Variants in PRKAR2A observed in about 807,000 individuals in gnomAD.
The protein encoded by PRKAR2A is cAMP-dependent protein kinase type II-alpha regulatory subunit.
Under a neutral mutation model 51.9 loss-of-function variants are expected in PRKAR2A, and 29 were observed. The observed-to-expected ratio is 0.56, with a 90% CI of 0.42 to 0.76. PRKAR2A has a LOEUF of 0.76. PRKAR2A is among the 30% of genes least tolerant of loss of function. The pLI, the probability that PRKAR2A is intolerant of heterozygous loss-of-function variation, is 0.00. For missense variants in PRKAR2A, 445 were observed against 512.1 expected, an observed-to-expected ratio of 0.87 and a Z score of 1.26; for synonymous variants, 178 against 186.2, an observed-to-expected ratio of 0.96 and a Z score of 0.36.
chr3:48,839,510 T>G (rs1559653441), intron 1 of PRKAR2A, among the ~76,000 whole-genome samples: 2 of 152,060 alleles, frequency 1.3e-5, no homozygotes, highest in African/African-American at 4.8e-5. Context: ...GCAGCTACAG[T>G]AATTTATTAA....
intron 2 of PRKAR2A, among the ~76,000 whole-genome samples, chr3:48,795,865 T>C (rs147964526): frequency 5.1e-4 from 77 of 152,250 alleles, no homozygotes; most frequent in Non-Finnish European, 2.4e-4. Context: ...TGTATTACTG[T>C]AGGGAGTAAA....
chr3:48,817,491 A>C (rs1334311402), intron 1 of PRKAR2A, among the ~76,000 whole-genome samples: 1 of 151,432 alleles, frequency 6.6e-6, no homozygotes, highest in Non-Finnish European at 1.5e-5. Flanking sequence ...ATTTCTACTA[A>C]AAATACAAAA....
At chr3:48,828,676 C>G (rs1175189954) in intron 1 of PRKAR2A, among the ~76,000 whole-genome samples, 1 of 134,242 alleles carries the variant, frequency 7.4e-6, no homozygotes, top group African/African-American at 2.9e-5. Context: ...GAGCTGTGAT[C>G]GCACCCGGGC....
At chr3:48,789,515 G>T (rs2082349471) in intron 4 of PRKAR2A, among the ~76,000 whole-genome samples, 1 of 142,176 alleles carries the variant, frequency 7.0e-6, no homozygotes, top group Admixed American at 7.2e-5. Flanking sequence ...TTTTTAGACA[G>T]AGTCTTGCTC....
At chr3:48,843,096 G>A (rs2083405360) in intron 1 of PRKAR2A, among the ~76,000 whole-genome samples, 1 of 152,150 alleles carries the variant, frequency 6.6e-6, no homozygotes, top group African/African-American at 2.4e-5. Flanking sequence ...TTCAGATCCT[G>A]TTATTGGTCT....
intron 4 of PRKAR2A, among the ~76,000 whole-genome samples, chr3:48,786,607 C>A (rs536880932): frequency 2.0e-5 from 3 of 147,870 alleles, no homozygotes; most frequent in Non-Finnish European, 3.0e-5. Flanking sequence ...ACCATCCTGG[C>A]GAACATGGTG....
chr3:48,836,399 C>G (rs367829477), intron 1 of PRKAR2A, among the ~76,000 whole-genome samples: 8 of 100,746 alleles, frequency 7.9e-5, no homozygotes, highest in South Asian at 2.7e-4. Flanking sequence ...CCAGCCTGGG[C>G]GACAGTGCGA....
chr3:48,825,631 A>T (rs1341900386), intron 1 of PRKAR2A, among the ~76,000 whole-genome samples: 1 of 152,098 alleles, frequency 6.6e-6, no homozygotes, highest in East Asian at 1.9e-4. Flanking sequence ...ACAAGAGAGA[A>T]ATTCTGTCTC....
chr3:48,773,944 C>T (rs962232992), intron 5 of PRKAR2A, among the ~76,000 whole-genome samples: 5 of 89,374 alleles, frequency 5.6e-5, no homozygotes, highest in African/African-American at 1.9e-4. Context: ...CCTAGCAATC[C>T]TCTCACCTCA....
At chr3:48,759,439 C>T (rs1212625114) in intron 8 of PRKAR2A, among the ~76,000 whole-genome samples, 2 of 148,952 alleles carry the variant, frequency 1.3e-5, no homozygotes, top group African/African-American at 5.0e-5. Flanking sequence ...CAGGCTGGAG[C>T]GCAATGGCGC....
chr3:48,794,838 T>C (rs1288583597), intron 2 of PRKAR2A, among the ~76,000 whole-genome samples: 2 of 152,134 alleles, frequency 1.3e-5, no homozygotes, highest in Non-Finnish European at 2.9e-5. Flanking sequence ...AAAATAAATA[T>C]AATATACTTT....
intron 5 of PRKAR2A, among the ~76,000 whole-genome samples, chr3:48,777,708 TA>T (rs2082127303): frequency 6.6e-6 from 1 of 152,032 alleles, no homozygotes; most frequent in Non-Finnish European, 1.5e-5. Context: ...CCAGGCCTTT[TA>T]TTTTTTTATA....
intron 5 of PRKAR2A, among the ~76,000 whole-genome samples, chr3:48,778,729 A>G (rs1279584079): frequency 6.6e-6 from 1 of 151,340 alleles, no homozygotes; most frequent in Non-Finnish European, 1.5e-5. Flanking sequence ...CATGTTAGCC[A>G]GGATGTTCTC....
chr3:48,820,106 C>G (rs940496630), intron 1 of PRKAR2A, among the ~76,000 whole-genome samples: 3 of 152,178 alleles, frequency 2.0e-5, no homozygotes, highest in African/African-American at 7.2e-5. Context: ...TATGACCCAA[C>G]CCAAGCCATT....
At position 48,756,386 on chromosome 3, in the gene PRKAR2A, C is replaced by T. The variant is rs1244026936; in HGVS notation, c.932G>A (p.Arg311Lys). Reference protein sequence around the residue: ...IESGEVSILIRSRTKSNKDGG... With the variant: ...IESGEVSILIKSRTKSNKDGG... The stretch of plus-strand genomic sequence containing the variant: ...ATAAACTGATAAACTCACCCTGCTT[C>T]TAATCAAGATGCTCACTTCGCCAGA... The change falls in exon 9 of 11, where the codon AGA (arginine) becomes AAA (lysine). Residue 311 changes from arginine to lysine, a missense_variant. Physicochemically the swap from Arg to Lys is conservative, Grantham distance 26. Coordinates refer to ENST00000265563, the MANE Select transcript of PRKAR2A (RefSeq NM_004157.4). The T allele has an allele frequency of 6.2e-7, 1 of 1,613,452 alleles. No individual in the cohort carries two copies. The highest frequency in any genetic ancestry group is 1.1e-5 in the South Asian group (1 of 91,076).
intron 1 of PRKAR2A, among the ~76,000 whole-genome samples, chr3:48,843,560 G>A (rs2083412689): frequency 6.6e-6 from 1 of 152,152 alleles, no homozygotes; most frequent in Non-Finnish European, 1.5e-5. Context: ...AAAGCTGGAG[G>A]CATCATGCTA....
At chr3:48,819,402 C>A (rs886300237) in intron 1 of PRKAR2A, among the ~76,000 whole-genome samples, 1 of 152,088 alleles carries the variant, frequency 6.6e-6, no homozygotes, top group Non-Finnish European at 1.5e-5. Context: ...TCACATATAC[C>A]CTTCACAACA....
intron 6 of PRKAR2A, among the ~76,000 whole-genome samples, chr3:48,767,195 T>C (rs971688668): frequency 2.6e-5 from 4 of 152,194 alleles, no homozygotes; most frequent in African/African-American, 9.7e-5. Flanking sequence ...AGTATAATAA[T>C]GGGCTGGGCG....
At chr3:48,777,222 A>G (rs891978392) in intron 5 of PRKAR2A, among the ~76,000 whole-genome samples, 8 of 152,148 alleles carry the variant, frequency 5.3e-5, no homozygotes, top group African/African-American at 1.4e-4. Context: ...TGCTCTCTCT[A>G]AAAAGGCTCT....
Sources: allele counts gnomAD v4.1 joint callset (sites outside exome capture counted in the v4.1 genomes callset), GRCh38; gene constraint gnomAD v4.1.1; transcripts MANE v1.5; gene names NCBI Gene and HGNC (gene_info 2026-07-23, HGNC 2026-07-21).